Variants in N4BP2 observed in about 807,000 individuals in gnomAD.
N4BP2 encodes the protein NEDD4-binding protein 2.
A neutral mutation model predicts 152.8 loss-of-function variants in N4BP2; 91 were observed. The ratio of observed to expected loss-of-function variants is 0.60; its 90% CI spans 0.50 to 0.71. N4BP2 has a LOEUF of 0.71. Ranked by LOEUF, N4BP2 falls within the 30% of genes least tolerant of loss-of-function variation. The probability of loss-of-function intolerance (pLI) is 0.00; values close to 1 mark genes in which losing one functional copy is unlikely to be tolerated. For synonymous variants in N4BP2, 646 were observed against 705.3 expected (o/e 0.92, Z 1.33); for missense variants, 1,923 against 2,059.1 (o/e 0.93, Z 1.28).
rs1053130708 is a variant in N4BP2 at position 40,124,297 on chromosome 4, T to TA, written c.4330+93dup. 1.2e-4 allele frequency: 95 copies of TA among 773,792 alleles called. No homozygotes were observed. In the African/African-American group the frequency reaches 1.5e-3, roughly 12 times the overall value. 47.9% of individuals were successfully genotyped at this position (773,792 alleles called of 1,614,324 possible). A position where few individuals can be genotyped will look rare whatever the true frequency, so the allele number is the denominator to read the frequency against. On this transcript the variant is annotated intron_variant, in intron 11 of 17. Coordinates refer to ENST00000261435, the MANE Select transcript of N4BP2 (RefSeq NM_018177.6). The stretch of plus-strand genomic sequence containing the variant: ...CTCATTCTAAATTACTTCCACAAAA[T>TA]ACGGTACCCACAAATTTTGATTTGC...
chr4:40,097,456 C>A lies in N4BP2; in HGVS notation c.116C>A (p.Ser39Tyr). The A allele has an allele frequency of 6.2e-7, 1 of 1,614,038 alleles. No individual in the cohort carries two copies. Reference protein sequence around the residue: ...SREEPTTTLPSMGETKVDQEE... With the variant: ...SREEPTTTLPYMGETKVDQEE... ...GAGGAGCCAACCACTACTCTACCTTCCATGGGTGAGACAAAAGTTGATCAG... is the reference window on the plus strand; with the variant it reads ...GAGGAGCCAACCACTACTCTACCTTACATGGGTGAGACAAAAGTTGATCAG... The change falls in exon 3 of 18, where the codon TCC becomes TAC. Residue 39 changes from serine to tyrosine, a missense_variant. By Grantham distance (144) the Ser-to-Tyr change is moderately radical. Transcript: ENST00000261435.
At chr4:40,188,924 C>T in the N4BP2 span, among the ~76,000 whole-genome samples, 1 of 151,972 alleles carries the variant, frequency 6.6e-6, no homozygotes, top group African/African-American at 2.4e-5. Flanking sequence ...GCGGGTGGAT[C>T]ACCTGAGGTC....
chr4:40,119,530 T>C (rs1298824325), intron 8 of N4BP2, among the ~76,000 whole-genome samples: 1 of 152,184 alleles, frequency 6.6e-6, no homozygotes, highest in Non-Finnish European at 1.5e-5. Flanking sequence ...TGAAGCTTCC[T>C]CGGTATCAGA....
chr4:40,189,941 A>C, the N4BP2 span, among the ~76,000 whole-genome samples: 10 of 141,334 alleles, frequency 7.1e-5, no homozygotes, highest in Admixed American at 1.4e-4. The surrounding 1 kb of genome is among the most constrained non-coding windows in gnomAD (Gnocchi z 4.3). Flanking sequence ...CACACACACA[A>C]ACATAAAATA....
chr4:40,067,803 A>T (rs1578943217), intron 1 of N4BP2, among the ~76,000 whole-genome samples: 1 of 152,088 alleles, frequency 6.6e-6, no homozygotes, highest in East Asian at 1.9e-4. Flanking sequence ...GGTTCAAGTG[A>T]TTCTCCTGTC....
chr4:40,090,075 A>G (rs1011939548), intron 2 of N4BP2, among the ~76,000 whole-genome samples: 1 of 152,204 alleles, frequency 6.6e-6, no homozygotes, highest in Admixed American at 6.5e-5. Context: ...GTCAAAAATC[A>G]GTCAGGCACA....
chr4:40,109,445 C>T (rs538301486), intron 5 of N4BP2, among the ~76,000 whole-genome samples: 9 of 152,098 alleles, frequency 5.9e-5, no homozygotes, highest in South Asian at 2.1e-4. Flanking sequence ...TGGCTGGGCG[C>T]GGTGGCTCAT....
At chr4:40,075,832 T>G (rs1186680377) in intron 2 of N4BP2, among the ~76,000 whole-genome samples, 3 of 152,088 alleles carry the variant, frequency 2.0e-5, no homozygotes, top group African/African-American at 2.4e-5. Context: ...TTTCTTTTTT[T>G]GTTTGTTTGT....
chr4:40,157,219 C>T lies in N4BP2; in HGVS notation c.*2982C>T, dbSNP rs754620983. 9.3e-5 allele frequency: 14 copies of T among 149,930 alleles called. No homozygotes were observed. The highest frequency in any genetic ancestry group is 3.4e-3 in the Middle Eastern group (1 of 292). 9.3% of individuals were successfully genotyped at this position (149,930 alleles called of 1,614,324 possible). ...AGAAATGGAAGTGTTTTTTTTTTTACGTTTATTGGCTCTTCATATTTCTCT... is the reference window on the plus strand; with the variant it reads ...AGAAATGGAAGTGTTTTTTTTTTTATGTTTATTGGCTCTTCATATTTCTCT... On this transcript the variant is annotated 3_prime_UTR_variant, in exon 18 of 18. Transcript: ENST00000261435.
rs1461569767 is a variant in N4BP2 at position 40,073,512 on chromosome 4, C to CTA, written c.-154_-153insTA. ...TAGAGTTTGCATATATCAACTGTGGCCTTAATGAGCATGTTGACAGCATCG... is the reference window on the plus strand; with the variant it reads ...TAGAGTTTGCATATATCAACTGTGGCTACTTAATGAGCATGTTGACAGCATCG... On this transcript the variant is annotated 5_prime_UTR_variant, in exon 2 of 18. An upstream open reading frame in the 5' UTR loses its in-frame stop. Transcript: ENST00000261435. The CTA allele has an allele frequency of 6.6e-6, 1 of 151,894 alleles. No homozygotes were observed. The highest frequency in any genetic ancestry group is 1.5e-5 in the Non-Finnish European group (1 of 67,994). 9.4% of individuals were successfully genotyped at this position (151,894 alleles called of 1,614,324 possible).
In N4BP2 at chr4:40,102,186, G is replaced by C; in HGVS notation, c.341G>C (p.Ser114Thr). The C allele has an allele frequency of 6.2e-7, 1 of 1,613,928 alleles. No homozygotes were observed. The highest frequency in any genetic ancestry group is 8.5e-7 in the Non-Finnish European group (1 of 1,179,932). ...ASENQVGAAESKIMEKRPEEE... is the reference protein window; with the variant it reads ...ASENQVGAAETKIMEKRPEEE... ...GAGAACCAAGTAGGTGCAGCAGAAAGTAAAATAATGGAAAAACGTCCTGAA... is the reference window on the plus strand; with the variant it reads ...GAGAACCAAGTAGGTGCAGCAGAAACTAAAATAATGGAAAAACGTCCTGAA... Residue 114 changes from serine (S) to threonine (T), a missense_variant, in exon 4 of 18, where the codon AGT becomes ACT. By Grantham distance (58) the Ser-to-Thr change is moderately conservative. Coordinates refer to ENST00000261435, the MANE Select transcript of N4BP2 (RefSeq NM_018177.6).
At chr4:40,126,372 G>C (rs369471394) in intron 12 of N4BP2, 42 bp downstream of exon 12, 54 of 977,598 alleles carry the variant, frequency 5.5e-5, no homozygotes, top group Non-Finnish European at 7.5e-5. Flanking sequence ...CTCTGATTCT[G>C]GTTTATTGTG....
At chr4:40,151,285 CT>C (rs1721132042) in intron 16 of N4BP2, among the ~76,000 whole-genome samples, 1 of 152,018 alleles carries the variant, frequency 6.6e-6, no homozygotes, top group Non-Finnish European at 1.5e-5. Flanking sequence ...TAAACTTTTT[CT>C]TTTTGAGATG....
chr4:40,108,524 C>CA (rs1198915604), intron 5 of N4BP2, among the ~76,000 whole-genome samples: 2 of 152,084 alleles, frequency 1.3e-5, no homozygotes, highest in East Asian at 3.9e-4. Flanking sequence ...CCATGTTGGC[C>CA]AGGCTGGTCT....
At chr4:40,071,228 C>T (rs1205240412) in intron 1 of N4BP2, among the ~76,000 whole-genome samples, 3 of 152,104 alleles carry the variant, frequency 2.0e-5, no homozygotes, top group South Asian at 2.1e-4. Context: ...TCTGTTGAGA[C>T]GATTACATTT....
chr4:40,125,208 T>C (rs549523247), intron 11 of N4BP2, among the ~76,000 whole-genome samples: 13 of 152,320 alleles, frequency 8.5e-5, no homozygotes, highest in Admixed American at 6.5e-4. Flanking sequence ...GCCCAAAGGA[T>C]GGTGTGCAAA....
intron 15 of N4BP2, among the ~76,000 whole-genome samples, chr4:40,144,185 A>G (rs972608830): frequency 1.3e-5 from 2 of 152,150 alleles, no homozygotes; most frequent in South Asian, 2.1e-4. Flanking sequence ...CCAGCTGCCC[A>G]CATGGTTGGT....
At chr4:40,141,119 G>T (rs2110030420) in intron 14 of N4BP2, among the ~76,000 whole-genome samples, 1 of 152,182 alleles carries the variant, frequency 6.6e-6, no homozygotes, top group Admixed American at 6.5e-5. Flanking sequence ...CCTCCCAGAT[G>T]GAGTGGTGGC....
chr4:40,098,065 A>G (rs1180550331), intron 3 of N4BP2, among the ~76,000 whole-genome samples: 1 of 152,222 alleles, frequency 6.6e-6, no homozygotes, highest in Non-Finnish European at 1.5e-5. Context: ...TGTAAGCTCC[A>G]TAAAGACAGA....
Sources: allele counts gnomAD v4.1 joint callset (sites outside exome capture counted in the v4.1 genomes callset), GRCh38; gene constraint gnomAD v4.1.1; non-coding constraint Gnocchi (gnomAD v3.1); transcripts MANE v1.5; gene names NCBI Gene and HGNC (gene_info 2026-07-23, HGNC 2026-07-21).